The following ALPK2 variants were observed in gnomAD, a reference collection of about 807,000 sequenced individuals.
The protein encoded by ALPK2 is alpha-protein kinase 2.
A neutral mutation model predicts 163.1 loss-of-function variants in ALPK2; 127 were observed. That is an observed-to-expected ratio of 0.78 (90% CI 0.67 to 0.90). The LOEUF (loss-of-function observed/expected upper bound fraction) is 0.90. Among genes scored for constraint, ALPK2 ranks in the 40% least tolerant of loss-of-function variants. ALPK2 has a pLI of 0.00. For missense variants in ALPK2, 2,360 were observed against 2,589.6 expected, an observed-to-expected ratio of 0.91 and a Z score of 1.92; for synonymous variants, 953 against 959.1, an observed-to-expected ratio of 0.99 and a Z score of 0.12.
At chr18:58,543,016 A>G (rs1381231101) in intron 4 of ALPK2, among the ~76,000 whole-genome samples, 1 of 152,154 alleles carries the variant, frequency 6.6e-6, no homozygotes, top group Non-Finnish European at 1.5e-5. Context: ...CTCTGCCCTC[A>G]TAGAGGGATT....
intron 8 of ALPK2, among the ~76,000 whole-genome samples, chr18:58,519,603 C>T (rs185629322): frequency 6.6e-6 from 1 of 152,172 alleles, no homozygotes; most frequent in Non-Finnish European, 1.5e-5. Context: ...AATTAACAAC[C>T]CTGTCTATAA....
intron 12 of ALPK2, 106 bp downstream of exon 12, chr18:58,497,943 T>C: frequency 1.0e-6 from 1 of 966,740 alleles, no homozygotes. Flanking sequence ...TCATCCACAG[T>C]TAGGACAAGA....
At chr18:58,627,349 G>A (rs1238826107) in intron 1 of ALPK2, among the ~76,000 whole-genome samples, 3 of 152,210 alleles carry the variant, frequency 2.0e-5, no homozygotes, top group Admixed American at 6.5e-5. Context: ...GGCCAGGCGC[G>A]GTGGCTCACG....
chr18:58,507,195 T>C (rs1017681709), intron 10 of ALPK2, among the ~76,000 whole-genome samples: 1 of 152,176 alleles, frequency 6.6e-6, no homozygotes. Context: ...CCTAACTATA[T>C]GTTTAATGGA....
chr18:58,508,938 G>A (rs1482172559), intron 10 of ALPK2, among the ~76,000 whole-genome samples: 1 of 151,344 alleles, frequency 6.6e-6, no homozygotes, highest in African/African-American at 2.4e-5. Flanking sequence ...CAACCTGCAG[G>A]TTTGTTACAT....
Position 58,579,154 on chromosome 18 carries a change from C to A in ALPK2, c.1622G>T (p.Gly541Val). ...SRKSARVRQPGMKGNPKKPNA... is the reference protein window; with the variant it reads ...SRKSARVRQPVMKGNPKKPNA... ...CGGCTTCTTGGGATTTCCCTTCATTCCCGGCTGCCTCACCCTGGCAGATTT... is the reference window on the plus strand; with the variant it reads ...CGGCTTCTTGGGATTTCCCTTCATTACCGGCTGCCTCACCCTGGCAGATTT... Residue 541 changes from glycine to valine, a missense_variant, in exon 4 of 13, where the codon GGA becomes GTA. By Grantham distance (109) the Gly-to-Val change is moderately radical. Transcript: ENST00000361673. 1 of 1,614,172 alleles carries A rather than the reference C, an allele frequency of 6.2e-7. No individual in the cohort carries two copies.
At position 58,482,042 on chromosome 18, in the gene ALPK2, G is replaced by A. The variant is rs2051314433; in HGVS notation, c.6297-3C>T. 6.2e-7 allele frequency: 1 copy of A among 1,607,934 alleles called. No homozygotes were observed. The highest frequency in any genetic ancestry group is 1.3e-5 in the African/African-American group (1 of 74,790). ...AGTTGCCTTTAAATCCCTTGTACCTGTGAGTTTGGGTGGAAGGAAACATAG... is the reference window on the plus strand; with the variant it reads ...AGTTGCCTTTAAATCCCTTGTACCTATGAGTTTGGGTGGAAGGAAACATAG... On this transcript the variant is annotated splice_polypyrimidine_tract_variant and splice_region_variant and intron_variant, in intron 12 of 12. Transcript: ENST00000361673.
intron 1 of ALPK2, among the ~76,000 whole-genome samples, chr18:58,623,753 G>T (rs1034699642): frequency 6.6e-6 from 1 of 152,216 alleles, no homozygotes. Context: ...GGCGGCTCAC[G>T]CCACCGTGCC....
intron 3 of ALPK2, among the ~76,000 whole-genome samples, chr18:58,599,157 A>C (rs1015334761): frequency 6.6e-6 from 1 of 152,188 alleles, no homozygotes; most frequent in African/African-American, 2.4e-5. Flanking sequence ...AACCTGGCCT[A>C]TAACCATTCA....
chr18:58,509,112 A>G (rs62094715), intron 10 of ALPK2, among the ~76,000 whole-genome samples: 1 of 142,150 alleles, frequency 7.0e-6, no homozygotes, highest in African/African-American at 2.7e-5. Flanking sequence ...TCAATTCCCA[A>G]CTATGAATGA....
Position 58,536,889 on chromosome 18 carries a change from G to A in ALPK2, c.3298C>T (p.Pro1100Ser). 6.2e-7 allele frequency: 1 copy of A among 1,614,160 alleles called. No homozygotes were observed. Among genetic ancestry groups the A allele is most frequent in the African/African-American group, 1.3e-5 (1 of 75,030 alleles). Residue 1100 changes from proline to serine, a missense_variant, in exon 5 of 13, where the codon CCT (proline) becomes TCT (serine). Transcript: ENST00000361673. ...CCAGACAGGTTATCAACCTGAAGAG[G>A]GGAATTACTGCAGAAACCCTCTCCC... is the stretch of plus-strand genomic sequence containing the variant. ...PEGEGFCSNS[P>S]LQVDNLSGDK...
At chr18:58,530,864 G>A (rs373511443) in intron 5 of ALPK2, among the ~76,000 whole-genome samples, 18 of 152,088 alleles carry the variant, frequency 1.2e-4, no homozygotes, top group East Asian at 5.8e-4. Flanking sequence ...TAAAGTCCCC[G>A]GTGAATAAAA....
At chr18:58,530,143 G>A (rs2051605417) in intron 5 of ALPK2, among the ~76,000 whole-genome samples, 1 of 152,186 alleles carries the variant, frequency 6.6e-6, no homozygotes, top group African/African-American at 2.4e-5. Context: ...CTGAGACTTT[G>A]CTCCACTGCC....
chr18:58,591,309 C>T (rs568658998), intron 3 of ALPK2, among the ~76,000 whole-genome samples: 7 of 152,302 alleles, frequency 4.6e-5, no homozygotes, highest in South Asian at 4.1e-4. Context: ...AGATGTGACA[C>T]GTCTTAAGTT....
chr18:58,583,893 A>C (rs951229044), intron 3 of ALPK2, among the ~76,000 whole-genome samples: 1 of 152,056 alleles, frequency 6.6e-6, no homozygotes, highest in Non-Finnish European at 1.5e-5. Flanking sequence ...AGGTACCATG[A>C]CTTGTGTAGA....
intron 4 of ALPK2, among the ~76,000 whole-genome samples, chr18:58,577,339 C>T (rs7504636): frequency 0.32 from 47,950 of 151,966 alleles, 8,305 homozygotes; most frequent in East Asian, 0.59. Flanking sequence ...CCTTCCCTTC[C>T]ACTTCTTTTG....
At chr18:58,568,966 C>T (rs1359427752) in intron 4 of ALPK2, among the ~76,000 whole-genome samples, 1 of 152,156 alleles carries the variant, frequency 6.6e-6, no homozygotes, top group African/African-American at 2.4e-5. Flanking sequence ...GTAATCCCAG[C>T]ACTTTGGGAG....
intron 3 of ALPK2, among the ~76,000 whole-genome samples, chr18:58,594,023 C>G (rs2052029332): frequency 6.7e-6 from 1 of 148,404 alleles, no homozygotes; most frequent in Non-Finnish European, 1.5e-5. Flanking sequence ...TTTAAGGTTT[C>G]TAGGCTATTC....
chr18:58,508,993 C>G (rs531685297), intron 10 of ALPK2, among the ~76,000 whole-genome samples: 1 of 151,484 alleles, frequency 6.6e-6, no homozygotes, highest in South Asian at 2.1e-4. Context: ...ATTAACTCAT[C>G]ATTTAACATT....
Sources: allele counts gnomAD v4.1 joint callset (sites outside exome capture counted in the v4.1 genomes callset), GRCh38; gene constraint gnomAD v4.1.1; transcripts MANE v1.5; gene names NCBI Gene and HGNC (gene_info 2026-07-23, HGNC 2026-07-21).